The following ELFN1 variants were observed in gnomAD, a reference collection of about 807,000 sequenced individuals.
ELFN1 encodes extracellular leucine rich repeat and fibronectin type III domain containing 1, also known as protein ELFN1.
In ELFN1, 6 loss-of-function variants were observed where a neutral mutation model predicts 7.6. The ratio of observed to expected loss-of-function variants is 0.79; its 90% CI spans 0.43 to 1.56. ELFN1 has a LOEUF of 1.56. ELFN1 is among the 40% of genes most tolerant of loss of function. The pLI is 0.01. For missense variants in ELFN1, 1,169 were observed against 1,232.2 expected (o/e 0.95, Z 0.77); for synonymous variants, 657 against 588.1 (o/e 1.12, Z -1.70).
chr7:1,724,299 C>G (rs1780113835), intron 3 of ELFN1, among the ~76,000 whole-genome samples: 1 of 152,196 alleles, frequency 6.6e-6, no homozygotes, highest in African/African-American at 2.4e-5. Context: ...AACCAGATCA[C>G]CTCCTCTATT....
chr7:1,699,291 G>A (rs1779378892), intron 2 of ELFN1, among the ~76,000 whole-genome samples: 1 of 152,142 alleles, frequency 6.6e-6, no homozygotes. Context: ...TGATATCTCT[G>A]TCCATCTTGA....
intron 3 of ELFN1, among the ~76,000 whole-genome samples, chr7:1,728,420 G>T (rs966191833): frequency 6.6e-6 from 1 of 152,364 alleles, no homozygotes; most frequent in East Asian, 1.9e-4. Context: ...TCTGAGATGC[G>T]GAGGGTTTGC....
Position 1,703,643 on chromosome 7 carries a change from C to G in ELFN1, c.-455-5448C>G, listed in dbSNP as rs370068028. 3.3e-5 allele frequency among the ~76,000 whole-genome samples: 5 copies of G among 152,156 alleles called. No individual in the cohort carries two copies. The South Asian group carries it at 6.2e-4, about 19-fold the overall frequency. ...CTTCCAAGTCTCTGGGCTCAGCTTC[C>G]TCTGTCGGTGCTGAGCGGGGGAGAT... On this transcript the variant is annotated intron_variant, in intron 2 of 3. Coordinates refer to ENST00000424383, the MANE Select transcript of ELFN1 (RefSeq NM_001128636.4).
intron 3 of ELFN1, among the ~76,000 whole-genome samples, chr7:1,722,060 C>G (rs934663845): frequency 6.6e-6 from 1 of 152,104 alleles, no homozygotes; most frequent in African/African-American, 2.4e-5. Context: ...GTCAGGGGCC[C>G]GGGTGGCCCA....
Position 1,739,943 on chromosome 7 carries a change from GTTGGT to G in ELFN1, c.-293-4357_-293-4353del, listed in dbSNP as rs1250707954. ...AGAGGCTGGAAGTTACACAGGTCAA[GTTGGT>G]TTGTTTTATGGAAGGTTCTAGAACT... is the stretch of plus-strand genomic sequence containing the variant. On this transcript the variant is annotated intron_variant, in intron 3 of 3. Transcript: ENST00000424383. This position sits in a 1 kb window ranked among gnomAD's most constrained non-coding sequence, Gnocchi z 4.6. 6.6e-6 allele frequency among the ~76,000 whole-genome samples: 1 copy of G among 152,212 alleles called. No homozygotes were observed. The highest frequency in any genetic ancestry group is 1.5e-5 in the Non-Finnish European group (1 of 68,022).
rs950849525 is a variant in ELFN1 at position 1,695,592 on chromosome 7, C to G, written c.-456+7442C>G. ...GAAACCCCGTCTCTACTAAAAAATACAAAAATTAGCCGGGCGTTGTGGTGG... is the reference window on the plus strand; with the variant it reads ...GAAACCCCGTCTCTACTAAAAAATAGAAAAATTAGCCGGGCGTTGTGGTGG... On this transcript the variant is annotated intron_variant, in intron 2 of 3. Transcript: ENST00000424383. This position sits in a 1 kb window ranked among gnomAD's most constrained non-coding sequence, Gnocchi z 5.1. Among the ~76,000 whole-genome samples the G allele has an allele frequency of 1.3e-5, 2 of 151,652 alleles. No individual in the cohort carries two copies. The highest frequency in any genetic ancestry group is 2.9e-5 in the Non-Finnish European group (2 of 67,920).
chr7:1,678,161 C>G (rs1299366089), intron 1 of ELFN1, among the ~76,000 whole-genome samples: 1 of 152,100 alleles, frequency 6.6e-6, no homozygotes, highest in Non-Finnish European at 1.5e-5. Flanking sequence ...TGTGCCCTCA[C>G]CATGCACAGT....
upstream of ELFN1, among the ~76,000 whole-genome samples, chr7:1,667,536 C>T (rs1040440187): frequency 3.3e-5 from 5 of 152,278 alleles, no homozygotes; most frequent in Non-Finnish European, 2.9e-5. The surrounding 1 kb of genome is among the most constrained non-coding windows in gnomAD (Gnocchi z 8.2). Context: ...CAGGAGGGTT[C>T]GGTCTCCCCC....
In ELFN1 at chr7:1,747,176, A is replaced by G; in HGVS notation, c.*93A>G. 2.2e-6 allele frequency: 3 copies of G among 1,334,828 alleles called. No homozygotes were observed. Among genetic ancestry groups the G allele is most frequent in the Non-Finnish European group, 3.0e-6 (3 of 1,015,916 alleles). The allele number at this position is 1,334,828 out of a possible 1,614,324, so 82.7% of individuals were successfully genotyped here. On this transcript the variant is annotated 3_prime_UTR_variant, in exon 4 of 4. Transcript: ENST00000424383. ...AAACCCAACACACGCACGCCACCAC[A>G]GCAACTGTGACAGCGGGGGGCCCTG... is the stretch of plus-strand genomic sequence containing the variant.
intron 2 of ELFN1, among the ~76,000 whole-genome samples, chr7:1,690,798 T>G (rs1385546283): frequency 6.6e-6 from 1 of 151,040 alleles, no homozygotes; most frequent in Admixed American, 6.6e-5. Flanking sequence ...GGTGAATGGA[T>G]GGATGAAGGA....
rs939544963 is a variant in ELFN1, at chr7:1,740,004, G to A, written c.-293-4300G>A. Among the ~76,000 whole-genome samples the A allele has an allele frequency of 1.3e-5, 2 of 152,238 alleles. No homozygotes were observed. The highest frequency in any genetic ancestry group is 2.4e-5 in the African/African-American group (1 of 41,454). ...TTCCAATACGGCAGCTACTAGCCAC[G>A]TTTCTGGCACTCCAGAGCCACAGGG... On this transcript the variant is annotated intron_variant, in intron 3 of 3. Transcript: ENST00000424383. This position sits in a 1 kb window ranked among gnomAD's most constrained non-coding sequence, Gnocchi z 5.0.
intron 1 of ELFN1, among the ~76,000 whole-genome samples, chr7:1,671,842 C>T (rs1178857925): frequency 6.6e-6 from 1 of 152,174 alleles, no homozygotes; most frequent in Non-Finnish European, 1.5e-5. Context: ...TCCAGGGGGC[C>T]GTGTGTGGGA....
At chr7:1,703,699 G>T (rs547984461) in intron 2 of ELFN1, among the ~76,000 whole-genome samples, 2 of 152,158 alleles carry the variant, frequency 1.3e-5, no homozygotes, top group African/African-American at 2.4e-5. Flanking sequence ...CATCTTGTGC[G>T]CTGGGATTGA....
chr7:1,729,279 A>G (rs757329149), intron 3 of ELFN1, among the ~76,000 whole-genome samples: 15 of 152,224 alleles, frequency 9.9e-5, no homozygotes, highest in Non-Finnish European at 1.6e-4. Flanking sequence ...GGTGTGAGTC[A>G]GTGATCCTCC....
At chr7:1,715,120 C>T (rs897129817) in intron 3 of ELFN1, among the ~76,000 whole-genome samples, 23 of 152,338 alleles carry the variant, frequency 1.5e-4, no homozygotes, top group African/African-American at 5.5e-4. Flanking sequence ...GAGAAGGAAG[C>T]TTCTCAGCCA....
rs774195303 is a variant in ELFN1 at position 1,746,652 on chromosome 7, G to A, written c.2056G>A (p.Ala686Thr). 7.3e-6 allele frequency: 10 copies of A among 1,360,868 alleles called. No homozygotes were observed. Among genetic ancestry groups the A allele is most frequent in the Non-Finnish European group, 4.7e-6 (5 of 1,062,674 alleles). The allele number at this position is 1,360,868 out of a possible 1,614,324, so 84.3% of individuals were successfully genotyped here. A position where few individuals can be genotyped will look rare whatever the true frequency, so the allele number is the denominator to read the frequency against. ...AADAILTVTP[A>T]AAVLRAEAEK... is the part of the protein sequence containing the mutation. ...CGACGCCATCCTCACTGTGACACCC[G>A]CGGCCGCCGTGCTGCGGGCCGAGGC... The change falls in exon 4 of 4, where the codon GCG becomes ACG. Residue 686 changes from alanine (A) to threonine (T), a missense_variant. Physicochemically the swap from Ala to Thr is moderately conservative, Grantham distance 58 (BLOSUM62 0). Around this residue, in one of 2 missense-constraint regions of ELFN1, gnomAD observed 914 missense variants for 872.6 expected, o/e 1.05. Transcript: ENST00000424383.
At chr7:1,679,085 G>T (rs574110917) in intron 1 of ELFN1, among the ~76,000 whole-genome samples, 123 of 152,248 alleles carry the variant, frequency 8.1e-4, no homozygotes, top group African/African-American at 2.9e-3. Context: ...TGCCCGTCTT[G>T]CAGGGATGTT....
At chr7:1,732,726 A>C (rs1000175904) in intron 3 of ELFN1, among the ~76,000 whole-genome samples, 2 of 151,984 alleles carry the variant, frequency 1.3e-5, no homozygotes, top group Non-Finnish European at 2.9e-5. Context: ...GGGGAGAAAT[A>C]TGCCCCACGG....
chr7:1,733,820 G>A (rs1050478510), intron 3 of ELFN1, among the ~76,000 whole-genome samples: 1 of 152,136 alleles, frequency 6.6e-6, no homozygotes, highest in African/African-American at 2.4e-5. Context: ...ATCTGTGCTT[G>A]CAGACAGCCC....
Sources: gnomAD v4.1 joint callset for allele counts (sites outside exome capture counted in the v4.1 genomes callset) on GRCh38, gnomAD v4.1.1 for gene constraint, gnomAD v4.1.1 regional missense constraint, Gnocchi (gnomAD v3.1) non-coding constraint, MANE v1.5 for transcripts, NCBI Gene and HGNC (gene_info 2026-07-23, HGNC 2026-07-21) for gene names.